RANBP2: variants seen among roughly 807,000 people sequenced by gnomAD.
RANBP2 encodes RAN binding protein 2, also known as E3 SUMO-protein ligase RanBP2.
Under a neutral mutation model 303.6 loss-of-function variants are expected in RANBP2, and 57 were observed. The observed-to-expected ratio is 0.19, with a 90% CI of 0.15 to 0.23. The LOEUF is 0.23. Among genes scored for constraint, RANBP2 ranks in the 10% least tolerant of loss-of-function variants. The pLI, the probability that RANBP2 is intolerant of heterozygous loss-of-function variation, is 1.00. For synonymous variants in RANBP2, 1,167 were observed against 1,301.5 expected (o/e 0.90, Z 2.23); for missense variants, 3,138 against 3,780.8 (o/e 0.83, Z 4.46).
At chr2:109,204,074 T>TGG in the RANBP2 span, among the ~76,000 whole-genome samples, 4 of 152,210 alleles carry the variant, frequency 2.6e-5, no homozygotes, top group Non-Finnish European at 5.9e-5. Flanking sequence ...GATTTGCACC[T>TGG]CCTGCCCACT....
the RANBP2 span, among the ~76,000 whole-genome samples, chr2:109,139,014 G>A: frequency 6.6e-6 from 1 of 152,202 alleles, no homozygotes; most frequent in African/African-American, 2.4e-5. Flanking sequence ...GCCTGATGAT[G>A]GCAGGGGACG....
the RANBP2 span, among the ~76,000 whole-genome samples, chr2:109,080,219 C>A: frequency 6.6e-6 from 1 of 152,192 alleles, no homozygotes; most frequent in African/African-American, 2.4e-5. Context: ...CTGACAACCA[C>A]TCCCACAATT....
Position 108,723,892 on chromosome 2 carries a change from C to CATTG in RANBP2, c.72+4239_72+4242dup, listed in dbSNP as rs35910381. Among the ~76,000 whole-genome samples the CATTG allele has an allele frequency of 3.7e-3, 556 of 151,236 alleles. 3 individuals carry two copies. The highest frequency in any genetic ancestry group is 0.014 in the East Asian group (72 of 5,132). ...TAATCCCATCAATTGCAGCTTAAAA[C>CATTG]ATTGATTGATTGATTGATTGATTGA... is the stretch of plus-strand genomic sequence containing the variant. On this transcript the variant is annotated intron_variant, in intron 1 of 28. Transcript: ENST00000283195.
chr2:109,397,524 T>G, the RANBP2 span, among the ~76,000 whole-genome samples: 1 of 152,180 alleles, frequency 6.6e-6, no homozygotes, highest in African/African-American at 2.4e-5. Context: ...CTGAGCCAAG[T>G]ACAGCCTAAG....
At chr2:109,003,896 C>A in the RANBP2 span, among the ~76,000 whole-genome samples, 1 of 152,254 alleles carries the variant, frequency 6.6e-6, no homozygotes, top group East Asian at 1.9e-4. Context: ...TCTTGGTTTG[C>A]CTGCACTGGA....
the RANBP2 span, chr2:108,912,730 G>A: frequency 6.2e-7 from 1 of 1,601,836 alleles, no homozygotes; most frequent in South Asian, 1.1e-5. Flanking sequence ...AGGTGCCAGG[G>A]AAGTTGGCAG....
At chr2:108,873,410 GC>G in the RANBP2 span, 8 of 1,424,368 alleles carry the variant, frequency 5.6e-6, no homozygotes, top group Non-Finnish European at 7.4e-6. Context: ...TTCCTTTTTC[GC>G]TACTCCCTAA....
chr2:109,558,370 C>CT, the RANBP2 span, among the ~76,000 whole-genome samples: 1 of 152,122 alleles, frequency 6.6e-6, no homozygotes, highest in Non-Finnish European at 1.5e-5. Flanking sequence ...TTAAACAACT[C>CT]TAAACTACTA....
At chr2:109,319,329 T>C in the RANBP2 span, among the ~76,000 whole-genome samples, 2 of 152,242 alleles carry the variant, frequency 1.3e-5, no homozygotes, top group African/African-American at 2.4e-5. Context: ...CCTAAGCCAG[T>C]GCAGGTTAGT....
chr2:108,932,870 G>T, the RANBP2 span, among the ~76,000 whole-genome samples: 4 of 152,218 alleles, frequency 2.6e-5, no homozygotes, highest in Non-Finnish European at 5.9e-5. Context: ...TTAACTTGTG[G>T]AACTAATCAG....
the RANBP2 span, among the ~76,000 whole-genome samples, chr2:108,999,794 C>T: frequency 6.6e-5 from 10 of 152,068 alleles, no homozygotes; most frequent in African/African-American, 2.2e-4. Context: ...AAAAACATGG[C>T]GGGAGGAGGC....
chr2:108,788,743 T>A (rs868412765), downstream of RANBP2: 17 of 1,401,048 alleles, frequency 1.2e-5, no homozygotes, highest in East Asian at 2.6e-5. Flanking sequence ...GAAAAAAAAA[T>A]TTGAGAGAGA....
the RANBP2 span, among the ~76,000 whole-genome samples, chr2:109,026,492 C>T: frequency 1.1e-4 from 17 of 152,060 alleles, no homozygotes; most frequent in Non-Finnish European, 2.2e-4. Context: ...TATTGCCTGT[C>T]CCTTGGGCCC....
chr2:108,757,148 CTT>C (rs1676379196), intron 17 of RANBP2, among the ~76,000 whole-genome samples: 1 of 152,088 alleles, frequency 6.6e-6, no homozygotes. Flanking sequence ...AAGTTTGAAA[CTT>C]TTCAAAATTT....
chr2:109,162,708 G>C, the RANBP2 span, among the ~76,000 whole-genome samples: 4 of 152,218 alleles, frequency 2.6e-5, no homozygotes, highest in Non-Finnish European at 4.4e-5. Flanking sequence ...TGTCTTTATA[G>C]CTGCATGATT....
At chr2:109,003,463 T>C in the RANBP2 span, among the ~76,000 whole-genome samples, 3 of 151,454 alleles carry the variant, frequency 2.0e-5, no homozygotes, top group African/African-American at 7.3e-5. Context: ...CAGACTGGAG[T>C]GCAATGGCAT....
chr2:109,574,441 T>C, the RANBP2 span: 23 of 335,932 alleles, frequency 6.8e-5, no homozygotes, highest in Non-Finnish European at 9.1e-5. Flanking sequence ...TGACTTTATC[T>C]CTAAAAAAAA....
chr2:109,705,358 A>T, the RANBP2 span, among the ~76,000 whole-genome samples: 3 of 151,246 alleles, frequency 2.0e-5, no homozygotes, highest in African/African-American at 7.3e-5. Flanking sequence ...GTGAGCTGAG[A>T]TCACACCATT....
the RANBP2 span, among the ~76,000 whole-genome samples, chr2:109,555,141 A>C: frequency 6.6e-6 from 1 of 152,152 alleles, no homozygotes; most frequent in Non-Finnish European, 1.5e-5. Context: ...TTTTCCACCA[A>C]AAACACAGAT....
Sources: gnomAD v4.1 joint callset for allele counts (sites outside exome capture counted in the v4.1 genomes callset) on GRCh38, gnomAD v4.1.1 for gene constraint, MANE v1.5 for transcripts, NCBI Gene and HGNC (gene_info 2026-07-23, HGNC 2026-07-21) for gene names.